NAA38: variants seen among roughly 807,000 people sequenced by gnomAD.
NAA38 encodes the protein N-alpha-acetyltransferase 38, NatC auxiliary subunit, also known as LSM domain containing 1.
Under a neutral mutation model 12.6 loss-of-function variants are expected in NAA38, and 15 were observed. The ratio of observed to expected loss-of-function variants is 1.19; its 90% CI spans 0.79 to 1.83. The LOEUF is 1.83. Among genes scored for constraint, NAA38 ranks in the 40% most tolerant of loss-of-function variants. NAA38 has a pLI of 0.00. For synonymous variants in NAA38, 88 were observed against 69.9 expected, an observed-to-expected ratio of 1.26 and a Z score of -1.29; for missense variants, 183 against 171.7, an observed-to-expected ratio of 1.07 and a Z score of -0.37.
intron 2 of NAA38, among the ~76,000 whole-genome samples, chr17:7,873,460 G>T (rs1280952790): frequency 1.3e-5 from 2 of 152,238 alleles, no homozygotes; most frequent in South Asian, 4.1e-4. Flanking sequence ...TAGGGAAGTA[G>T]ACACTGAGGG....
chr17:7,878,040 T>C (rs1243333668), intron 2 of NAA38, among the ~76,000 whole-genome samples: 1 of 152,104 alleles, frequency 6.6e-6, no homozygotes, highest in Non-Finnish European at 1.5e-5. Flanking sequence ...CCTATATTAT[T>C]AGTAGCATGC....
chr17:7,884,071 A>AACACACACACACACACACACACAC (rs149257134), intron 1 of NAA38, among the ~76,000 whole-genome samples: 1 of 148,550 alleles, frequency 6.7e-6, no homozygotes, highest in African/African-American at 2.5e-5. Context: ...ATGCCCCCCC[A>AACACACACACACACACACACACAC]ACACACACAC....
upstream of NAA38, chr17:7,859,620 G>T (rs762618282): frequency 5.6e-6 from 9 of 1,612,820 alleles, no homozygotes. Context: ...TAGGCAAGGA[G>T]ATGTACACTC....
At position 7,873,128 on chromosome 17, in the gene NAA38, T is replaced by C. The variant is rs193225553; in HGVS notation, c.-65-6570A>G. Reference sequence around the variant, plus strand: ...TCACAAAAAGACTTATATGTTGCCATTTTAGTTGAAGAAACTGAAACTCTG... The same window carrying C: ...TCACAAAAAGACTTATATGTTGCCACTTTAGTTGAAGAAACTGAAACTCTG... On this transcript the variant is annotated intron_variant, in intron 2 of 4. Transcript: ENST00000576861. Among the ~76,000 whole-genome samples, 10 of 152,308 alleles carry C rather than the reference T, an allele frequency of 6.6e-5. No homozygotes were observed. In the East Asian group the frequency reaches 1.9e-3, roughly 29 times the overall value.
upstream of NAA38, chr17:7,859,096 G>A (rs189419733): frequency 4.6e-5 from 26 of 567,448 alleles, no homozygotes; most frequent in East Asian, 1.2e-4. Flanking sequence ...GCTCTTACAC[G>A]CCGTTTTGGA....
intron 2 of NAA38, 76 bp from the exon 3 acceptor site, chr17:7,856,919 C>G (rs2078822372): frequency 6.3e-7 from 1 of 1,592,618 alleles, no homozygotes; most frequent in Non-Finnish European, 8.6e-7. Context: ...AAACGAGCCC[C>G]AGAAAACAAG....
chr17:7,884,352 T>C (rs1288973361), intron 1 of NAA38, among the ~76,000 whole-genome samples: 1 of 149,900 alleles, frequency 6.7e-6, no homozygotes, highest in African/African-American at 2.5e-5. Context: ...GCCATCTTAG[T>C]GCCTCAGCTC....
At chr17:7,877,027 T>C in intron 2 of NAA38, 1 of 370,246 alleles carries the variant, frequency 2.7e-6, no homozygotes. Flanking sequence ...ATCTACTGAT[T>C]GTACTTTGCT....
chr17:7,884,994 AC>A, intron 1 of NAA38: 1 of 1,229,698 alleles, frequency 8.1e-7, no homozygotes, highest in Non-Finnish European at 1.0e-6. Flanking sequence ...CGGGGCCGCG[AC>A]CGCCACAGCC....
intron 2 of NAA38, among the ~76,000 whole-genome samples, chr17:7,874,739 A>G (rs796268106): frequency 1.3e-3 from 192 of 152,056 alleles, no homozygotes; most frequent in African/African-American, 4.4e-3. Context: ...TACAAAAATT[A>G]GCTGGGTGTG....
In NAA38 at chr17:7,869,901, G is replaced by A. The variant is rs577761571; in HGVS notation, c.-65-3343C>T. Among the ~76,000 whole-genome samples the A allele has an allele frequency of 4.4e-3, 664 of 152,334 alleles. 3 individuals are homozygous for A. The highest frequency in any genetic ancestry group is 0.015 in the African/African-American group (614 of 41,568). On this transcript the variant is annotated intron_variant, in intron 2 of 4. Coordinates refer to the NAA38 transcript ENST00000576861. ...CCCATGACAAATTTATAACCTAAAGGATAGTTAATCAGCTGGGAAAAGTGT... is the reference window on the plus strand; with the variant it reads ...CCCATGACAAATTTATAACCTAAAGAATAGTTAATCAGCTGGGAAAAGTGT...
chr17:7,858,997 A>C, upstream of NAA38: 1 of 610,016 alleles, frequency 1.6e-6, no homozygotes, highest in Non-Finnish European at 2.7e-6. Context: ...TGGGAATTCT[A>C]GGAGTGTCTG....
At chr17:7,879,734 A>G (rs1040447576) in intron 2 of NAA38, among the ~76,000 whole-genome samples, 2 of 152,186 alleles carry the variant, frequency 1.3e-5, no homozygotes, top group African/African-American at 4.8e-5. Flanking sequence ...AGACAGAAGA[A>G]GGCAGAGACT....
upstream of NAA38, chr17:7,860,118 GATATT>G (rs2151386731): frequency 5.9e-6 from 1 of 169,520 alleles, no homozygotes; most frequent in Admixed American, 5.6e-5. Context: ...ATTCAGGCTA[GATATT>G]ATACTAGGTA....
At chr17:7,857,266 C>T (rs1249353276) in intron 1 of NAA38, 68 bp from the exon 2 acceptor site, 6 of 1,609,710 alleles carry the variant, frequency 3.7e-6, no homozygotes, top group Non-Finnish European at 5.1e-6. Flanking sequence ...CCACAGCTCC[C>T]GGCAGCCCGC....
upstream of NAA38, chr17:7,861,328 T>A (rs564316769): frequency 6.6e-6 from 1 of 152,320 alleles, no homozygotes. Flanking sequence ...AACATTGCTG[T>A]TGGCTTCGGC....
upstream of NAA38, chr17:7,859,898 T>C: frequency 2.4e-6 from 1 of 424,782 alleles, no homozygotes; most frequent in East Asian, 4.5e-5. Context: ...CAGAACTGTT[T>C]GATAGTTAAG....
At chr17:7,857,871 T>C, upstream of NAA38, 1 of 1,384,630 alleles carries the variant, frequency 7.2e-7, no homozygotes, top group Non-Finnish European at 9.4e-7. Context: ...CCGCAACTCC[T>C]GAAAGCGGCG....
intron 1 of NAA38, 71 bp from the exon 2 acceptor site, chr17:7,857,269 C>T: frequency 6.2e-7 from 1 of 1,609,804 alleles, no homozygotes; most frequent in Non-Finnish European, 8.5e-7. Flanking sequence ...CAGCTCCCGG[C>T]AGCCCGCGGG....
Sources: gnomAD v4.1 joint callset for allele counts (sites outside exome capture counted in the v4.1 genomes callset) on GRCh38, gnomAD v4.1.1 for gene constraint, MANE v1.5 for transcripts, NCBI Gene and HGNC (gene_info 2026-07-23, HGNC 2026-07-21) for gene names.